Variants in CMTM2 observed in about 807,000 individuals in gnomAD.
CMTM2 encodes the protein CKLF like MARVEL transmembrane domain containing 2, also known as CKLF-like MARVEL transmembrane domain-containing protein 2.
In CMTM2, 15 loss-of-function variants were observed where a neutral mutation model predicts 16.8. The observed-to-expected ratio is 0.89, with a 90% CI of 0.60 to 1.37. CMTM2 has a LOEUF of 1.37. Ranked by LOEUF, CMTM2 falls within the 40% of genes most tolerant of loss-of-function variation. The pLI is 0.00. For missense variants in CMTM2, 282 were observed against 318.0 expected, an observed-to-expected ratio of 0.89 and a Z score of 0.86; for synonymous variants, 117 against 118.7, an observed-to-expected ratio of 0.99 and a Z score of 0.09.
chr16:66,584,061 G>A (rs2014764303), intron 2 of CMTM2, among the ~76,000 whole-genome samples: 1 of 152,196 alleles, frequency 6.6e-6, no homozygotes, highest in African/African-American at 2.4e-5. Flanking sequence ...TTGAGACAGA[G>A]TTTTGCTCTT....
chr16:66,586,346 A>C lies in CMTM2; in HGVS notation c.445-651A>C, dbSNP rs57395705. 7.7e-3 allele frequency among the ~76,000 whole-genome samples: 1,177 copies of C among 152,138 alleles called. 20 individuals are homozygous for C. Among genetic ancestry groups the C allele is most frequent in the African/African-American group, 0.027 (1,127 of 41,484 alleles). On this transcript the variant is annotated intron_variant, in intron 2 of 3. Transcript: ENST00000268595. ...CGTTTTATAGTTGTGTATTTATTTA[A>C]ATGTGTATTGGCTGGGCGCTGTGGC...
At position 66,587,918 on chromosome 16, in the gene CMTM2, G is replaced by GA; in HGVS notation, c.547dup (p.Ile183AsnfsTer113). ...GTCATGAGGACCGTTTTGTTTTCCA[G>GA]ATCCTTATTGGTGCGGCTGGAGTTT... On this transcript the variant is annotated frameshift_variant and splice_region_variant. Coordinates refer to ENST00000268595, the MANE Select transcript of CMTM2 (RefSeq NM_144673.3). LOFTEE classifies it high-confidence loss of function. 1.2e-6 allele frequency: 2 copies of GA among 1,614,006 alleles called. No homozygotes were observed. Among genetic ancestry groups the GA allele is most frequent in the South Asian group, 2.2e-5 (2 of 91,040 alleles).
chr16:66,584,710 T>G (rs1222069718), intron 2 of CMTM2, among the ~76,000 whole-genome samples: 2 of 152,078 alleles, frequency 1.3e-5, no homozygotes, highest in African/African-American at 4.8e-5. Context: ...GAATAGAATA[T>G]TCAATAAATG....
At chr16:66,584,254 G>C (rs2014766563) in intron 2 of CMTM2, among the ~76,000 whole-genome samples, 1 of 152,188 alleles carries the variant, frequency 6.6e-6, no homozygotes. Flanking sequence ...AGCTGGTCTT[G>C]AACTCCTGAC....
intron 3 of CMTM2, 144 bp downstream of exon 3, chr16:66,587,242 C>T (rs1222916924): frequency 1.0e-5 from 7 of 688,352 alleles, no homozygotes; most frequent in Admixed American, 9.5e-5. Flanking sequence ...TTAAGTAGGC[C>T]GGGTGCAGTG....
Position 66,580,027 on chromosome 16 carries a change from G to C in CMTM2, c.287G>C (p.Gly96Ala). 1 of 1,614,160 alleles carries C rather than the reference G, an allele frequency of 6.2e-7. No individual in the cohort carries two copies. The highest frequency in any genetic ancestry group is 1.7e-5 in the Admixed American group (1 of 60,028). Reference sequence around the variant, plus strand: ...TCAGGTGTCTATGTCTCACTGCAGGGCTGCCTAATAGCTGCAATGATACTG... The same window carrying C: ...TCAGGTGTCTATGTCTCACTGCAGGCCTGCCTAATAGCTGCAATGATACTG... ...GHAEIKIRSL[G>A]CLIAAMILLS... is the part of the protein sequence containing the mutation. Residue 96 changes from glycine to alanine, a missense_variant and splice_region_variant, in exon 2 of 4, where the codon GGC (glycine) becomes GCC (alanine). Gly to Ala is a moderately conservative substitution (Grantham distance 60). Coordinates refer to ENST00000268595, the MANE Select transcript of CMTM2 (RefSeq NM_144673.3).
chr16:66,580,937 C>G (rs1028091494), intron 2 of CMTM2, among the ~76,000 whole-genome samples: 5 of 152,130 alleles, frequency 3.3e-5, no homozygotes, highest in Non-Finnish European at 5.9e-5. Context: ...CAATGAAGAC[C>G]CCAATTCCCA....
chr16:66,586,838 TA>T, intron 2 of CMTM2, 158 bp from the exon 3 acceptor site: 1 of 609,198 alleles, frequency 1.6e-6, no homozygotes, highest in Admixed American at 2.7e-5. Flanking sequence ...GGGCCACAGA[TA>T]TGTCCACCTA....
chr16:66,586,655 T>G (rs2014796494), intron 2 of CMTM2, among the ~76,000 whole-genome samples: 1 of 151,818 alleles, frequency 6.6e-6, no homozygotes, highest in South Asian at 2.1e-4. Flanking sequence ...TCTCAAAAAG[T>G]AGAAAATAAA....
At chr16:66,582,643 A>G (rs1385110223) in intron 2 of CMTM2, among the ~76,000 whole-genome samples, 2 of 152,202 alleles carry the variant, frequency 1.3e-5, no homozygotes, top group African/African-American at 2.4e-5. Context: ...TCAAGGCTAC[A>G]GAGAGCTCTG....
In CMTM2 at chr16:66,581,226, A is replaced by G. The variant is rs1212388503; in HGVS notation, c.444+1042A>G. Among the ~76,000 whole-genome samples, 4 of 151,782 alleles carry G rather than the reference A, an allele frequency of 2.6e-5. No individual in the cohort carries two copies. The East Asian group carries it at 7.8e-4, about 30-fold the overall frequency. On this transcript the variant is annotated intron_variant, in intron 2 of 3. Transcript: ENST00000268595. Reference sequence around the variant, plus strand: ...GGAGAAAGGACAGGAGGGCCAAATAAGGACTCTCAGAAAAGGGACAAGCAG... The same window carrying G: ...GGAGAAAGGACAGGAGGGCCAAATAGGGACTCTCAGAAAAGGGACAAGCAG...
intron 2 of CMTM2, among the ~76,000 whole-genome samples, chr16:66,585,903 G>A (rs2014787075): frequency 1.3e-5 from 2 of 152,206 alleles, no homozygotes; most frequent in Admixed American, 6.5e-5. Flanking sequence ...AAACCAAGGG[G>A]GATGGCAGGT....
Position 66,580,184 on chromosome 16 carries a change from TGTAA to T in CMTM2, c.444+6_444+9del, listed in dbSNP as rs760255688. 1.9e-6 allele frequency: 3 copies of T among 1,614,046 alleles called. No individual in the cohort carries two copies. Among genetic ancestry groups the T allele is most frequent in the African/African-American group, 2.7e-5 (2 of 74,930 alleles). On this transcript the variant is annotated splice_donor_variant and splice_donor_region_variant and intron_variant, in intron 2 of 3. Transcript: ENST00000268595. LOFTEE classifies it high-confidence loss of function. ...TACCCTTCATCCTGTGGCCCATTTCTGTAAGTAAGGGGTGATGGGGAGTGCCTGC... is the reference window on the plus strand; with the variant it reads ...TACCCTTCATCCTGTGGCCCATTTCTGTAAGGGGTGATGGGGAGTGCCTGC...
At chr16:66,582,070 C>T (rs1467015245) in intron 2 of CMTM2, among the ~76,000 whole-genome samples, 1 of 152,040 alleles carries the variant, frequency 6.6e-6, no homozygotes, top group Non-Finnish European at 1.5e-5. Context: ...TAAGAATCAA[C>T]AAACACAACA....
chr16:66,580,242 G>T, intron 2 of CMTM2, 58 bp downstream of exon 2: 1 of 1,579,490 alleles, frequency 6.3e-7, no homozygotes, highest in East Asian at 2.2e-5. Flanking sequence ...GTGTGTCTTG[G>T]CACCTGGAAA....
intron 3 of CMTM2, 91 bp downstream of exon 3, chr16:66,587,189 T>C: frequency 9.3e-7 from 1 of 1,069,662 alleles, no homozygotes; most frequent in South Asian, 1.3e-5. Context: ...AAGGGCTTCT[T>C]TATTTTCCAC....
At position 66,579,551 on chromosome 16, in the gene CMTM2, C is replaced by T; in HGVS notation, c.-57C>T. 1 of 1,601,618 alleles carries T rather than the reference C, an allele frequency of 6.2e-7. No individual in the cohort carries two copies. ...CTAGTAGGCCTGGCCTACCCAGAAA[C>T]AGCAGGAGAGAGAAGAAACAGGCCA... On this transcript the variant is annotated 5_prime_UTR_variant, in exon 1 of 4. Coordinates refer to ENST00000268595, the MANE Select transcript of CMTM2 (RefSeq NM_144673.3). The surrounding 1 kb of genome is among the most constrained non-coding windows in gnomAD (Gnocchi z 6.5).
Position 66,579,513 on chromosome 16 carries a change from G to C in CMTM2, c.-95G>C. On this transcript the variant is annotated 5_prime_UTR_variant, in exon 1 of 4. Coordinates refer to ENST00000268595, the MANE Select transcript of CMTM2 (RefSeq NM_144673.3). The surrounding 1 kb of genome is among the most constrained non-coding windows in gnomAD (Gnocchi z 6.5). ...AGCACGCCCTCTGAGCCGCTCGGTGGACACCAGGCACTCTAGTAGGCCTGG... is the reference window on the plus strand; with the variant it reads ...AGCACGCCCTCTGAGCCGCTCGGTGCACACCAGGCACTCTAGTAGGCCTGG... The C allele has an allele frequency of 6.7e-7, 1 of 1,483,512 alleles. No homozygotes were observed. The allele number at this position is 1,483,512 out of a possible 1,614,324, so 91.9% of individuals were successfully genotyped here. A position where few individuals can be genotyped will look rare whatever the true frequency, so the allele number is the denominator to read the frequency against.
intron 3 of CMTM2, 82 bp from the exon 4 acceptor site, chr16:66,587,837 C>G: frequency 2.1e-6 from 3 of 1,395,718 alleles, no homozygotes; most frequent in South Asian, 2.4e-5. Context: ...AACAGCACCC[C>G]CTGATGAATG....
Sources: allele counts gnomAD v4.1 joint callset (sites outside exome capture counted in the v4.1 genomes callset), GRCh38; gene constraint gnomAD v4.1.1; non-coding constraint Gnocchi (gnomAD v3.1); transcripts MANE v1.5; gene names NCBI Gene and HGNC (gene_info 2026-07-23, HGNC 2026-07-21).